KHDRBS2: variants seen among roughly 807,000 people sequenced by gnomAD.
The protein encoded by KHDRBS2 is KH domain-containing, RNA-binding, signal transduction-associated protein 2.
Under a neutral mutation model 44.3 loss-of-function variants are expected in KHDRBS2, and 26 were observed. The ratio of observed to expected loss-of-function variants is 0.59; its 90% CI spans 0.43 to 0.81. The LOEUF (loss-of-function observed/expected upper bound fraction) is 0.81. KHDRBS2 is among the 40% of genes least tolerant of loss of function. KHDRBS2 has a pLI of 0.00. For missense variants in KHDRBS2, 476 were observed against 433.1 expected (o/e 1.10, Z -0.88); for synonymous variants, 194 against 151.1 (o/e 1.28, Z -2.08).
chr6:61,588,940 T>C, the KHDRBS2 span, among the ~76,000 whole-genome samples: 2 of 152,190 alleles, frequency 1.3e-5, no homozygotes, highest in South Asian at 2.1e-4. Context: ...CTGGAAACCA[T>C]CATCCTCAGC....
At chr6:62,181,093 C>A (rs1264054202) in intron 1 of KHDRBS2, among the ~76,000 whole-genome samples, 1 of 150,696 alleles carries the variant, frequency 6.6e-6, no homozygotes, top group Non-Finnish European at 1.5e-5. Flanking sequence ...TTGTAAGAGT[C>A]CTGGAAGAAA....
chr6:61,893,302 G>A (rs1237919089), intron 6 of KHDRBS2, among the ~76,000 whole-genome samples: 3 of 152,164 alleles, frequency 2.0e-5, no homozygotes, highest in African/African-American at 4.8e-5. Context: ...CTGTTGGTGC[G>A]ACTGTAAACT....
chr6:62,126,725 T>C (rs1022751076), intron 2 of KHDRBS2, among the ~76,000 whole-genome samples: 1 of 152,226 alleles, frequency 6.6e-6, no homozygotes, highest in African/African-American at 2.4e-5. Flanking sequence ...GAAAGGCTTG[T>C]TCCTCATTTC....
At chr6:61,863,030 C>T (rs1365380982) in intron 6 of KHDRBS2, among the ~76,000 whole-genome samples, 1 of 151,856 alleles carries the variant, frequency 6.6e-6, no homozygotes, top group Non-Finnish European at 1.5e-5. Context: ...GTGTATGTCT[C>T]CTATTTATCC....
At chr6:62,094,732 T>C (rs1800207421) in intron 2 of KHDRBS2, among the ~76,000 whole-genome samples, 1 of 151,952 alleles carries the variant, frequency 6.6e-6, no homozygotes, top group African/African-American at 2.4e-5. Flanking sequence ...GAGTTGATTT[T>C]TGTATATGGT....
intron 4 of KHDRBS2, among the ~76,000 whole-genome samples, chr6:61,901,718 T>C (rs765506451): frequency 6.6e-5 from 10 of 152,150 alleles, no homozygotes; most frequent in Non-Finnish European, 8.8e-5. Context: ...AATATGACGA[T>C]TACTACAAAA....
chr6:62,262,319 G>A (rs9918428), intron 1 of KHDRBS2, among the ~76,000 whole-genome samples: 182 of 151,820 alleles, frequency 1.2e-3, no homozygotes, highest in African/African-American at 4.0e-3. Flanking sequence ...CTCAGGAATC[G>A]TGCATTTCCA....
At chr6:62,034,828 T>C (rs1029042341) in intron 3 of KHDRBS2, among the ~76,000 whole-genome samples, 1 of 150,652 alleles carries the variant, frequency 6.6e-6, no homozygotes, top group Admixed American at 6.7e-5. Context: ...GTCCAAAAGA[T>C]CAGAATATGT....
At chr6:61,899,809 G>A (rs779420749) in intron 5 of KHDRBS2, among the ~76,000 whole-genome samples, 2 of 142,368 alleles carry the variant, frequency 1.4e-5, no homozygotes, top group African/African-American at 2.6e-5. Context: ...TTATACTTAC[G>A]TTCAACCACA....
the KHDRBS2 span, among the ~76,000 whole-genome samples, chr6:61,557,159 C>T: frequency 2.9e-4 from 44 of 152,220 alleles, no homozygotes; most frequent in Admixed American, 2.2e-3. Context: ...CTGCTTCACA[C>T]TAGTGCACCA....
chr6:61,701,616 G>A (rs1184493441), intron 7 of KHDRBS2, among the ~76,000 whole-genome samples: 2 of 151,982 alleles, frequency 1.3e-5, no homozygotes, highest in Admixed American at 1.3e-4. Flanking sequence ...GGATAAAGAA[G>A]ACCCTTCCAG....
At chr6:62,131,139 C>T (rs1252772646) in intron 2 of KHDRBS2, among the ~76,000 whole-genome samples, 4 of 152,058 alleles carry the variant, frequency 2.6e-5, no homozygotes, top group South Asian at 2.1e-4. Flanking sequence ...TACTAATCGA[C>T]GTTTTACAAA....
At chr6:62,117,471 T>C (rs1562902148) in intron 2 of KHDRBS2, among the ~76,000 whole-genome samples, 1 of 152,174 alleles carries the variant, frequency 6.6e-6, no homozygotes, top group African/African-American at 2.4e-5. Flanking sequence ...TTGCTATTGA[T>C]GTCGTTTGAG....
At chr6:61,814,282 A>G (rs1241756397) in intron 6 of KHDRBS2, among the ~76,000 whole-genome samples, 1 of 152,202 alleles carries the variant, frequency 6.6e-6, no homozygotes, top group African/African-American at 2.4e-5. Flanking sequence ...AAAATAAATG[A>G]ACACACCCCA....
At position 62,086,951 on chromosome 6, in the gene KHDRBS2, A is replaced by G. The variant is rs1798503299; in HGVS notation, c.220-38957T>C. The stretch of plus-strand genomic sequence containing the variant: ...AGAACAGTGCAATAACTGAAAAAAA[A>G]AAAAGGAAAAGATATAGGTGAGAAA... On this transcript the variant is annotated intron_variant, in intron 2 of 8. Coordinates refer to ENST00000281156, the MANE Select transcript of KHDRBS2 (RefSeq NM_152688.4). Among the ~76,000 whole-genome samples, 4 of 152,224 alleles carry G rather than the reference A, an allele frequency of 2.6e-5. No individual in the cohort carries two copies. The South Asian group carries it at 8.3e-4, about 32-fold the overall frequency.
chr6:61,927,096 C>T (rs1476308731), intron 4 of KHDRBS2, among the ~76,000 whole-genome samples: 1 of 152,030 alleles, frequency 6.6e-6, no homozygotes, highest in South Asian at 2.1e-4. Flanking sequence ...TTTTAGGTTA[C>T]TAACTTTGTC....
intron 6 of KHDRBS2, among the ~76,000 whole-genome samples, chr6:61,786,636 G>C (rs1229220797): frequency 6.6e-6 from 1 of 151,936 alleles, no homozygotes; most frequent in Non-Finnish European, 1.5e-5. Flanking sequence ...AAGGGAATTA[G>C]GTGGGATCAG....
intron 4 of KHDRBS2, among the ~76,000 whole-genome samples, chr6:61,945,104 A>ATAT (rs1562490008): frequency 7.9e-4 from 55 of 69,566 alleles, no homozygotes; most frequent in South Asian, 2.6e-3. Flanking sequence ...AAAAAAAAAA[A>ATAT]AAAAAAAAGT....
At chr6:61,844,946 T>C (rs929728057) in intron 6 of KHDRBS2, among the ~76,000 whole-genome samples, 1 of 152,212 alleles carries the variant, frequency 6.6e-6, no homozygotes, top group Non-Finnish European at 1.5e-5. Flanking sequence ...GCCAATATGC[T>C]CACTTTGGAA....
Sources: gnomAD v4.1 joint callset for allele counts (sites outside exome capture counted in the v4.1 genomes callset) on GRCh38, gnomAD v4.1.1 for gene constraint, MANE v1.5 for transcripts, NCBI Gene and HGNC (gene_info 2026-07-23, HGNC 2026-07-21) for gene names.